SOX6: variants seen among roughly 807,000 people sequenced by gnomAD.
The protein encoded by SOX6 is transcription factor SOX-6.
SOX6 carries 11 observed loss-of-function variants against 97.8 expected under a neutral mutation model. The ratio of observed to expected loss-of-function variants is 0.11; its 90% CI spans 0.07 to 0.19. The LOEUF (loss-of-function observed/expected upper bound fraction) is 0.19, where lower values mean the gene tolerates loss of function less well. Ranked by LOEUF, SOX6 falls within the 10% of genes least tolerant of loss-of-function variation. SOX6 has a pLI of 1.00. For synonymous variants in SOX6, 360 were observed against 371.4 expected (o/e 0.97, Z 0.35); for missense variants, 810 against 1,039.5 (o/e 0.78, Z 3.04).
At chr11:16,438,938 C>A (rs1478947036) in intron 1 of SOX6, among the ~76,000 whole-genome samples, 1 of 152,096 alleles carries the variant, frequency 6.6e-6, no homozygotes. Context: ...TACAGGAGAG[C>A]ATGTAGGTGA....
At chr11:16,588,599 A>AC (rs776942783) in intron 4 of SOX6, among the ~76,000 whole-genome samples, 2 of 151,842 alleles carry the variant, frequency 1.3e-5, no homozygotes, top group Admixed American at 6.6e-5. Context: ...TCTCCACTTG[A>AC]CCCCCCTCTC....
chr11:16,272,477 G>T (rs558788037), intron 3 of SOX6, among the ~76,000 whole-genome samples: 16 of 151,696 alleles, frequency 1.1e-4, no homozygotes, highest in Non-Finnish European at 2.2e-4. Flanking sequence ...AATATAAAGT[G>T]TATATAATTA....
chr11:16,324,026 TA>T (rs1394059087), intron 2 of SOX6, among the ~76,000 whole-genome samples: 1 of 151,424 alleles, frequency 6.6e-6, no homozygotes, highest in Non-Finnish European at 1.5e-5. Context: ...CTACAAATAA[TA>T]AAAAAAATTA....
intron 3 of SOX6, among the ~76,000 whole-genome samples, chr11:16,260,466 A>C (rs1297280650): frequency 1.3e-5 from 2 of 151,598 alleles, no homozygotes; most frequent in Non-Finnish European, 2.9e-5. Flanking sequence ...AGACTACTTC[A>C]GAGATCAACA....
rs575242292 is a variant in SOX6, at chr11:16,459,735, G to A, written c.-5+16580C>T. ...ATTAGACACTGCGGGACAAAAATAC[G>A]TGAACTTGAAGACTTATAAATAGAA... On this transcript the variant is annotated intron_variant, in intron 1 of 15. Transcript: ENST00000396356. Among the ~76,000 whole-genome samples, 156 of 152,068 alleles carry A rather than the reference G, an allele frequency of 1.0e-3. 2 individuals are homozygous for A. The highest frequency in any genetic ancestry group is 1.9e-3 in the Non-Finnish European group (129 of 67,894).
chr11:16,045,728 G>A (rs562161147), intron 12 of SOX6, among the ~76,000 whole-genome samples: 1 of 152,226 alleles, frequency 6.6e-6, no homozygotes, highest in East Asian at 1.9e-4. Flanking sequence ...CCCTGCTCCT[G>A]CCTTTCATAT....
At chr11:16,477,727 T>A (rs1372963273), upstream of SOX6, among the ~76,000 whole-genome samples, 2 of 152,168 alleles carry the variant, frequency 1.3e-5, no homozygotes, top group Non-Finnish European at 2.9e-5. Context: ...TGATAGATGA[T>A]AAAGGTGTGG....
At chr11:15,980,070 T>C (rs542940048) in intron 15 of SOX6, among the ~76,000 whole-genome samples, 103 of 152,116 alleles carry the variant, frequency 6.8e-4, no homozygotes, top group African/African-American at 2.3e-3. Context: ...CAAATGAAAA[T>C]TCTAAGTAAT....
intron 4 of SOX6, chr11:16,484,635 T>C (rs1350745612): frequency 3.0e-6 from 2 of 656,448 alleles, no homozygotes; most frequent in Admixed American, 2.2e-5. Flanking sequence ...AGGATGGACA[T>C]CCTGGCACCG....
chr11:15,978,969 T>A (rs1169279856), intron 15 of SOX6, among the ~76,000 whole-genome samples: 1 of 126,652 alleles, frequency 7.9e-6, no homozygotes, highest in African/African-American at 2.7e-5. Flanking sequence ...TTATTTTATA[T>A]ATATGAGCAT....
chr11:16,658,842 T>G (rs1237849016), intron 3 of SOX6, among the ~76,000 whole-genome samples: 3 of 152,232 alleles, frequency 2.0e-5, no homozygotes, highest in Non-Finnish European at 4.4e-5. Context: ...AATGTTTAAA[T>G]TGAAAACTCA....
intron 4 of SOX6, among the ~76,000 whole-genome samples, chr11:16,500,655 T>C (rs1860689907): frequency 6.6e-6 from 1 of 152,198 alleles, no homozygotes; most frequent in African/African-American, 2.4e-5. Flanking sequence ...AGCATTCTTA[T>C]ATACCAATAA....
chr11:16,589,368 T>A (rs1848126827), intron 4 of SOX6, among the ~76,000 whole-genome samples: 1 of 152,200 alleles, frequency 6.6e-6, no homozygotes, highest in African/African-American at 2.4e-5. Flanking sequence ...AGTCTATATG[T>A]CTTAATGTGC....
intron 1 of SOX6, among the ~76,000 whole-genome samples, chr11:16,429,261 G>A (rs932621236): frequency 2.6e-5 from 4 of 152,194 alleles, no homozygotes; most frequent in African/African-American, 7.2e-5. Context: ...GTGGAGGACA[G>A]TGTGACAATT....
At chr11:16,087,367 G>A (rs111797132) in intron 9 of SOX6, among the ~76,000 whole-genome samples, 1,618 of 152,096 alleles carry the variant, frequency 0.011, 27 homozygotes, top group African/African-American at 0.037. Context: ...AGCTAAGAAT[G>A]ATTTCATTCA....
chr11:16,357,389 A>C (rs952492536), upstream of SOX6, among the ~76,000 whole-genome samples: 1 of 152,136 alleles, frequency 6.6e-6, no homozygotes, highest in Non-Finnish European at 1.5e-5. Flanking sequence ...ATTAAGGAAG[A>C]GGGGCCCAGA....
chr11:16,253,163 C>T (rs1239519793), intron 3 of SOX6, among the ~76,000 whole-genome samples: 1 of 152,078 alleles, frequency 6.6e-6, no homozygotes, highest in African/African-American at 2.4e-5. Flanking sequence ...GCCTGACTAA[C>T]ATGGAGAAAA....
At chr11:16,318,838 G>A (rs1028188987) in intron 2 of SOX6, among the ~76,000 whole-genome samples, 185 bp from the exon 3 acceptor site, 3 of 152,020 alleles carry the variant, frequency 2.0e-5, no homozygotes, top group African/African-American at 4.8e-5. Context: ...GAACAACACC[G>A]ATTAAACAAA....
chr11:16,201,447 T>A (rs1851934301), intron 4 of SOX6, among the ~76,000 whole-genome samples: 2 of 151,346 alleles, frequency 1.3e-5, no homozygotes, highest in Non-Finnish European at 2.9e-5. Flanking sequence ...ATAATTAGGC[T>A]CAATTCATCA....
Sources: gnomAD v4.1 joint callset for allele counts (sites outside exome capture counted in the v4.1 genomes callset) on GRCh38, gnomAD v4.1.1 for gene constraint, MANE v1.5 for transcripts, NCBI Gene and HGNC (gene_info 2026-07-23, HGNC 2026-07-21) for gene names.